Variants in NR1H4 observed in about 807,000 individuals in gnomAD.
NR1H4 encodes nuclear receptor subfamily 1 group H member 4.
NR1H4 carries 23 observed loss-of-function variants against 58.5 expected under a neutral mutation model. The observed-to-expected ratio is 0.39, with a 90% confidence interval of 0.28 to 0.56. NR1H4 has a LOEUF of 0.56. Among genes scored for constraint, NR1H4 ranks in the 20% least tolerant of loss-of-function variants. The pLI is 0.58. For missense variants in NR1H4, 487 were observed against 576.9 expected (o/e 0.84, Z 1.60); for synonymous variants, 214 against 198.0 (o/e 1.08, Z -0.68).
At chr12:100,513,387 T>C (rs1471389594) in intron 4 of NR1H4, among the ~76,000 whole-genome samples, 1 of 152,194 alleles carries the variant, frequency 6.6e-6, no homozygotes. Flanking sequence ...TCGATTCCTA[T>C]ATGAAGTGGC....
chr12:100,551,912 A>C (rs1037462507), intron 9 of NR1H4, among the ~76,000 whole-genome samples: 2 of 152,240 alleles, frequency 1.3e-5, no homozygotes, highest in Admixed American at 6.5e-5. Context: ...AATACAATGT[A>C]AGTGGTATGT....
chr12:100,513,186 C>T (rs1039919663), intron 4 of NR1H4, among the ~76,000 whole-genome samples: 4 of 152,134 alleles, frequency 2.6e-5, no homozygotes, highest in Non-Finnish European at 4.4e-5. Context: ...ACCTATATTG[C>T]TACTCATAGC....
chr12:100,511,349 T>G (rs1296504081), intron 4 of NR1H4, among the ~76,000 whole-genome samples: 1 of 152,238 alleles, frequency 6.6e-6, no homozygotes, highest in African/African-American at 2.4e-5. Flanking sequence ...TGTTTAAGAC[T>G]GTTAGAGTAT....
rs374032395 is a variant in NR1H4 at position 100,563,503 on chromosome 12, G to A, written c.*14G>A. ...GACGTGCAGTGATGGGGATTACAGGGGAGGGGTCTAGCTCCTTTTTCTCTC... is the reference window on the plus strand; with the variant it reads ...GACGTGCAGTGATGGGGATTACAGGAGAGGGGTCTAGCTCCTTTTTCTCTC... On this transcript the variant is annotated 3_prime_UTR_variant, in exon 11 of 11. Coordinates refer to ENST00000392986, the MANE Select transcript of NR1H4 (RefSeq NM_001206979.2). 2.6e-5 allele frequency: 42 copies of A among 1,589,940 alleles called. No homozygotes were observed. Among genetic ancestry groups the A allele is most frequent in the Non-Finnish European group, 3.5e-5 (41 of 1,158,166 alleles).
chr12:100,526,314 G>A (rs955414343), intron 4 of NR1H4, among the ~76,000 whole-genome samples: 2 of 151,014 alleles, frequency 1.3e-5, no homozygotes, highest in Non-Finnish European at 2.9e-5. Context: ...AAATTTCTCT[G>A]TAAACACTGC....
intron 9 of NR1H4, among the ~76,000 whole-genome samples, chr12:100,541,605 CT>C (rs111792361): frequency 0.13 from 18,966 of 142,844 alleles, 2,762 homozygotes; most frequent in African/African-American, 0.37. Context: ...TTTTTCTTTT[CT>C]TTTTTTTTTT....
intron 9 of NR1H4, among the ~76,000 whole-genome samples, chr12:100,555,949 A>C (rs1459013333): frequency 6.6e-6 from 1 of 152,142 alleles, no homozygotes; most frequent in Non-Finnish European, 1.5e-5. Context: ...GATAAAGGGC[A>C]ATCTTCCACA....
At chr12:100,541,255 G>T (rs1447882801) in intron 9 of NR1H4, among the ~76,000 whole-genome samples, 6 of 151,610 alleles carry the variant, frequency 4.0e-5, no homozygotes, top group Admixed American at 6.6e-5. Context: ...CATTTACTAG[G>T]TCTCAGACAC....
chr12:100,546,682 G>A (rs1250151947), intron 9 of NR1H4, among the ~76,000 whole-genome samples: 2 of 152,016 alleles, frequency 1.3e-5, no homozygotes, highest in Non-Finnish European at 2.9e-5. Context: ...GTGACAGAGT[G>A]AGACTCTGTC....
At chr12:100,509,719 T>C (rs1954056915) in intron 3 of NR1H4, among the ~76,000 whole-genome samples, 1 of 152,234 alleles carries the variant, frequency 6.6e-6, no homozygotes, top group Non-Finnish European at 1.5e-5. Context: ...TATTCTTTTT[T>C]TTAAAGCTCC....
intron 9 of NR1H4, among the ~76,000 whole-genome samples, chr12:100,553,514 T>C (rs958635470): frequency 1.3e-5 from 2 of 152,112 alleles, no homozygotes; most frequent in African/African-American, 4.8e-5. Flanking sequence ...GCCTTGTATT[T>C]CAGGAAAAAG....
At chr12:100,509,913 G>GCACACACA (rs1213906374) in intron 3 of NR1H4, among the ~76,000 whole-genome samples, 1 of 145,714 alleles carries the variant, frequency 6.9e-6, no homozygotes, top group African/African-American at 2.7e-5. Context: ...GGGCACGTGC[G>GCACACACA]CGCACACACA....
chr12:100,480,694 G>C (rs1953360662), intron 1 of NR1H4, among the ~76,000 whole-genome samples: 1 of 152,140 alleles, frequency 6.6e-6, no homozygotes, highest in Non-Finnish European at 1.5e-5. Flanking sequence ...TTCTATACCA[G>C]TCATTTATGT....
intron 1 of NR1H4, among the ~76,000 whole-genome samples, chr12:100,475,161 A>AT (rs10629377): frequency 0.16 from 18,536 of 113,288 alleles, 2,090 homozygotes; most frequent in African/African-American, 0.33. Flanking sequence ...ATCTATCTAA[A>AT]TTTTTTTTTC....
intron 4 of NR1H4, among the ~76,000 whole-genome samples, chr12:100,531,101 T>C (rs1954680974): frequency 6.6e-6 from 1 of 152,200 alleles, no homozygotes; most frequent in Non-Finnish European, 1.5e-5. Context: ...GCCAGATTCC[T>C]AGATGTTGAA....
chr12:100,493,648 A>G (rs936604471), intron 3 of NR1H4, among the ~76,000 whole-genome samples: 11 of 152,236 alleles, frequency 7.2e-5, no homozygotes, highest in African/African-American at 2.4e-4. Context: ...CAAGGCCGCG[A>G]GGCTAGATAA....
In NR1H4 at chr12:100,563,760, C is replaced by A; in HGVS notation, c.*271C>A. ...AAATTGATTGTTACTTCAATTCTAT[C>A]TGTTGAACTAGGGAAAATCTCATTT... On this transcript the variant is annotated 3_prime_UTR_variant, in exon 11 of 11. Transcript: ENST00000392986. 2.3e-6 allele frequency: 1 copy of A among 428,728 alleles called. No individual in the cohort carries two copies. 26.6% of individuals were successfully genotyped at this position (428,728 alleles called of 1,614,324 possible). A position where few individuals can be genotyped will look rare whatever the true frequency, so the allele number is the denominator to read the frequency against.
rs768563784 is a variant in NR1H4 at position 100,534,960 on chromosome 12, C to T, written c.669C>T (p.Thr223=). Residue 223 remains threonine (T), a synonymous_variant, in exon 6 of 11, where the codon ACC becomes ACT. Transcript: ENST00000392986. ...ATGTGAAGCAGCATGCAGATCAGAC[C>T]GTGAATGAAGACAGTGAAGGTCGTG... ...RKNVKQHADQ[T]VNEDSEGRDL... The T allele has an allele frequency of 1.9e-6, 3 of 1,614,110 alleles. No homozygotes were observed. Among genetic ancestry groups the T allele is most frequent in the Non-Finnish European group, 2.5e-6 (3 of 1,180,012 alleles).
chr12:100,506,002 A>AACACACACACACAC (rs398020830), intron 3 of NR1H4, among the ~76,000 whole-genome samples: 2 of 141,028 alleles, frequency 1.4e-5, no homozygotes, highest in African/African-American at 5.4e-5. Flanking sequence ...AAGTGTTTAT[A>AACACACACACACAC]ACACACACAC....
Sources: allele counts gnomAD v4.1 joint callset (sites outside exome capture counted in the v4.1 genomes callset), GRCh38; gene constraint gnomAD v4.1.1; transcripts MANE v1.5; gene names NCBI Gene and HGNC (gene_info 2026-07-23, HGNC 2026-07-21).